The following XKR4 variants were observed in gnomAD, a reference collection of about 807,000 sequenced individuals.
XKR4 encodes XK related 4.
Under a neutral mutation model 53.9 loss-of-function variants are expected in XKR4, and 12 were observed. The observed-to-expected ratio is 0.22, with a 90% CI of 0.14 to 0.36. The LOEUF (loss-of-function observed/expected upper bound fraction) is 0.36, where lower values mean the gene tolerates loss of function less well. Ranked by LOEUF, XKR4 falls within the 10% of genes least tolerant of loss-of-function variation. The pLI, the probability that XKR4 is intolerant of heterozygous loss-of-function variation, is 1.00. For synonymous variants in XKR4, 354 were observed against 362.4 expected (o/e 0.98, Z 0.26); for missense variants, 799 against 859.5 (o/e 0.93, Z 0.88).
At position 55,197,841 on chromosome 8, in the gene XKR4, C is replaced by T. The variant is rs184927992; in HGVS notation, c.806+94547C>T. Among the ~76,000 whole-genome samples, 532 of 152,286 alleles carry T rather than the reference C, an allele frequency of 3.5e-3. 7 individuals are homozygous for T. The highest frequency in any genetic ancestry group is 0.012 in the African/African-American group (512 of 41,556). On this transcript the variant is annotated intron_variant, in intron 1 of 2. Transcript: ENST00000327381. ...TACAGGCGTGAGCCACCACACCCAA[C>T]CGGGTTCAGCTTATTTTTAAAAACA... is the stretch of plus-strand genomic sequence containing the variant.
At chr8:55,495,630 T>A (rs1670416233) in intron 2 of XKR4, among the ~76,000 whole-genome samples, 1 of 152,054 alleles carries the variant, frequency 6.6e-6, no homozygotes. Flanking sequence ...CCCCAGGCCC[T>A]CCCCACAGTG....
At chr8:55,152,976 C>G (rs944370435) in intron 1 of XKR4, among the ~76,000 whole-genome samples, 2 of 152,234 alleles carry the variant, frequency 1.3e-5, no homozygotes, top group Admixed American at 1.3e-4. Flanking sequence ...GAACCCAGGG[C>G]TTTGGGGTTA....
At chr8:55,451,235 A>T (rs903218769) in intron 2 of XKR4, 1 of 569,662 alleles carries the variant, frequency 1.8e-6, no homozygotes, top group Non-Finnish European at 3.1e-6. Flanking sequence ...CATTGGCACC[A>T]AGCCCACTGC....
Position 55,477,632 on chromosome 8 carries a change from A to T in XKR4, c.1007-45649A>T, listed in dbSNP as rs190706936. 2.6e-5 allele frequency among the ~76,000 whole-genome samples: 4 copies of T among 152,240 alleles called. No homozygotes were observed. In the East Asian group the frequency reaches 7.7e-4, roughly 29 times the overall value. ...CGAGCTACAGGAGGAAATTCAAACC[A>T]ATGGCAAAGAAGTTAAAAACGGTGA... is the stretch of plus-strand genomic sequence containing the variant. On this transcript the variant is annotated intron_variant, in intron 2 of 2. Transcript: ENST00000327381.
intron 2 of XKR4, among the ~76,000 whole-genome samples, chr8:55,490,578 C>G (rs1396328509): frequency 6.6e-6 from 1 of 152,094 alleles, no homozygotes; most frequent in Admixed American, 6.5e-5. Context: ...ACTATTAAAA[C>G]CAGAAAACCT....
chr8:55,247,392 A>G (rs1818299230), intron 1 of XKR4, among the ~76,000 whole-genome samples: 2 of 152,214 alleles, frequency 1.3e-5, no homozygotes, highest in South Asian at 4.1e-4. Context: ...TTTATATGAC[A>G]TTGGTTTTCA....
rs1015427916 is a variant in XKR4, at chr8:55,539,074, T to C, written c.*14847T>C. The C allele has an allele frequency of 4.6e-5, 7 of 152,242 alleles. No individual in the cohort carries two copies. The highest frequency in any genetic ancestry group is 1.0e-4 in the Non-Finnish European group (7 of 68,040). The allele number at this position is 152,242 out of a possible 1,614,324, so 9.4% of individuals were successfully genotyped here. A position where few individuals can be genotyped will look rare whatever the true frequency, so the allele number is the denominator to read the frequency against. On this transcript the variant is annotated 3_prime_UTR_variant, in exon 3 of 3. Coordinates refer to ENST00000327381, the MANE Select transcript of XKR4 (RefSeq NM_052898.2). ...GAAAACAACATCAGAGAATATCCTG[T>C]ACAACTTCCCCAAAAGTGACAAGTT...
chr8:55,413,814 T>G (rs1213216976), intron 2 of XKR4, among the ~76,000 whole-genome samples: 1 of 152,212 alleles, frequency 6.6e-6, no homozygotes, highest in African/African-American at 2.4e-5. Flanking sequence ...AGCAGTTATA[T>G]TTTATGTGAG....
chr8:55,338,791 T>C lies in XKR4; in HGVS notation c.807-18887T>C, dbSNP rs370335286. Among the ~76,000 whole-genome samples, 92 of 152,266 alleles carry C rather than the reference T, an allele frequency of 6.0e-4. No individual in the cohort carries two copies. The East Asian group carries it at 0.014, about 23-fold the overall frequency. ...ACCAAATTAAGCTTTAGGGGTTGATTTTTGGATATTTTGGATTTACATAGA... is the reference window on the plus strand; with the variant it reads ...ACCAAATTAAGCTTTAGGGGTTGATCTTTGGATATTTTGGATTTACATAGA... On this transcript the variant is annotated intron_variant, in intron 1 of 2. Coordinates refer to ENST00000327381, the MANE Select transcript of XKR4 (RefSeq NM_052898.2).
rs920302919 is a variant in XKR4 at position 55,159,752 on chromosome 8, G to A, written c.806+56458G>A. On this transcript the variant is annotated intron_variant, in intron 1 of 2. Transcript: ENST00000327381. ...TTTAAGATGGGAAAAATAATAGTTG[G>A]TAGAAGTAACCCATGAAGTTGAAAC... Among the ~76,000 whole-genome samples the A allele has an allele frequency of 2.0e-5, 3 of 152,146 alleles. No individual in the cohort carries two copies. The East Asian group carries it at 5.8e-4, about 29-fold the overall frequency.
intron 1 of XKR4, among the ~76,000 whole-genome samples, chr8:55,169,044 G>A (rs567098016): frequency 4.6e-5 from 7 of 152,112 alleles, no homozygotes; most frequent in African/African-American, 1.7e-4. Flanking sequence ...AATACTTTCT[G>A]GTCCAATTTT....
In XKR4 at chr8:55,530,200, GAA is replaced by G. The variant is rs1563374719; in HGVS notation, c.*5974_*5975del. 6 of 107,490 alleles carry G rather than the reference GAA, an allele frequency of 5.6e-5. No homozygotes were observed. The highest frequency in any genetic ancestry group is 2.3e-4 in the African/African-American group (6 of 26,418). 6.7% of individuals were successfully genotyped at this position (107,490 alleles called of 1,614,324 possible). On this transcript the variant is annotated 3_prime_UTR_variant, in exon 3 of 3. Coordinates refer to ENST00000327381, the MANE Select transcript of XKR4 (RefSeq NM_052898.2). ...GGAAGGAAGGAAGGAAGGAAGGAAG[GAA>G]GGAAGGAGATTTAACAAGTCTTTGA...
intron 1 of XKR4, among the ~76,000 whole-genome samples, chr8:55,259,546 C>T (rs553432270): frequency 1.3e-5 from 2 of 152,208 alleles, no homozygotes; most frequent in South Asian, 4.2e-4. Context: ...CACTCCACAG[C>T]TCTGAGAGGC....
At chr8:55,425,102 T>C (rs544459833) in intron 2 of XKR4, among the ~76,000 whole-genome samples, 2 of 152,122 alleles carry the variant, frequency 1.3e-5, no homozygotes, top group Non-Finnish European at 2.9e-5. Flanking sequence ...CATCAAGCCC[T>C]ATTGTCTTAA....
At chr8:55,486,903 G>A (rs59496716) in intron 2 of XKR4, among the ~76,000 whole-genome samples, 50,689 of 152,050 alleles carry the variant, frequency 0.33, 10,444 homozygotes, top group African/African-American at 0.6. Flanking sequence ...TAAGGAATAC[G>A]GTAAGAAGGA....
At chr8:55,277,221 A>C (rs549705304) in intron 1 of XKR4, among the ~76,000 whole-genome samples, 1 of 152,200 alleles carries the variant, frequency 6.6e-6, no homozygotes, top group Admixed American at 6.5e-5. Context: ...AGCTATCATG[A>C]TATGTTCACC....
chr8:55,456,391 A>G (rs529502723), intron 2 of XKR4, among the ~76,000 whole-genome samples: 1 of 152,268 alleles, frequency 6.6e-6, no homozygotes, highest in South Asian at 2.1e-4. Flanking sequence ...AGGTTGCGCC[A>G]TTGTACTCCA....
intron 2 of XKR4, among the ~76,000 whole-genome samples, chr8:55,367,635 G>C (rs145933905): frequency 2.0e-5 from 3 of 152,160 alleles, no homozygotes; most frequent in African/African-American, 7.2e-5. Context: ...ACTCCAAAAC[G>C]TGGCATTTTG....
At chr8:55,508,689 C>T (rs1294395649) in intron 2 of XKR4, among the ~76,000 whole-genome samples, 5 of 152,132 alleles carry the variant, frequency 3.3e-5, no homozygotes, top group Non-Finnish European at 5.9e-5. Flanking sequence ...AGGTGGAGGC[C>T]CTGAGCATTC....
Sources: gnomAD v4.1 joint callset for allele counts (sites outside exome capture counted in the v4.1 genomes callset) on GRCh38, gnomAD v4.1.1 for gene constraint, MANE v1.5 for transcripts, NCBI Gene and HGNC (gene_info 2026-07-23, HGNC 2026-07-21) for gene names.